Variants in ARID1B observed in about 807,000 individuals in gnomAD.
The protein encoded by ARID1B is AT-rich interaction domain 1B, also known as AT-rich interactive domain-containing protein 1B.
A neutral mutation model predicts 212.3 loss-of-function variants in ARID1B; 30 were observed. The ratio of observed to expected loss-of-function variants is 0.14; its 90% CI spans 0.11 to 0.19. ARID1B has a LOEUF of 0.19. ARID1B is among the 10% of genes least tolerant of loss of function. The probability of loss-of-function intolerance (pLI) is 1.00; values close to 1 mark genes in which losing one functional copy is unlikely to be tolerated. For missense variants in ARID1B, 2,891 were observed against 3,204.0 expected (o/e 0.90, Z 2.36); for synonymous variants, 1,402 against 1,301.7 (o/e 1.08, Z -1.66).
intron 1 of ARID1B, among the ~76,000 whole-genome samples, chr6:156,800,340 A>G (rs1338403122): frequency 6.6e-6 from 1 of 152,180 alleles, no homozygotes; most frequent in African/African-American, 2.4e-5. Context: ...CTGTAATCCA[A>G]CACTTTGGGA....
intron 3 of ARID1B, among the ~76,000 whole-genome samples, chr6:156,926,986 T>C (rs1403820881): frequency 1.3e-5 from 2 of 152,300 alleles, no homozygotes; most frequent in Non-Finnish European, 2.9e-5. Flanking sequence ...GGCCCAGATG[T>C]TGTATCATTT....
At chr6:156,943,005 T>C (rs1792791733) in intron 4 of ARID1B, 1 of 152,220 alleles carries the variant, frequency 6.6e-6, no homozygotes, top group Non-Finnish European at 1.5e-5. Flanking sequence ...TCTTTGGGAC[T>C]GGAAGTAACA....
chr6:157,098,637 G>A (rs1227223412), intron 5 of ARID1B, among the ~76,000 whole-genome samples: 1 of 152,200 alleles, frequency 6.6e-6, no homozygotes, highest in South Asian at 2.1e-4. Flanking sequence ...TGGTCATACT[G>A]CCTATTTACT....
At chr6:156,971,525 A>G (rs1034835787) in intron 4 of ARID1B, among the ~76,000 whole-genome samples, 1 of 152,072 alleles carries the variant, frequency 6.6e-6, no homozygotes, top group South Asian at 2.1e-4. Flanking sequence ...CTATTGCTAT[A>G]CTCATTTGGA....
At chr6:156,845,424 T>A (rs1377948609) in intron 2 of ARID1B, among the ~76,000 whole-genome samples, 1 of 152,190 alleles carries the variant, frequency 6.6e-6, no homozygotes, top group African/African-American at 2.4e-5. Context: ...GGGTTCATCC[T>A]GTAGTAGCTT....
chr6:157,158,517 G>T (rs2128272057), intron 8 of ARID1B, among the ~76,000 whole-genome samples: 1 of 152,346 alleles, frequency 6.6e-6, no homozygotes, highest in African/African-American at 2.4e-5. Context: ...ATGTAAGATA[G>T]ATGTGTGCTT....
chr6:157,026,819 A>G (rs1308175668), intron 4 of ARID1B, among the ~76,000 whole-genome samples: 1 of 152,168 alleles, frequency 6.6e-6, no homozygotes, highest in Non-Finnish European at 1.5e-5. Flanking sequence ...CCTGGCTATT[A>G]GAAGATGCAC....
intron 2 of ARID1B, among the ~76,000 whole-genome samples, chr6:156,830,330 G>A (rs760488059): frequency 2.8e-4 from 43 of 152,146 alleles, no homozygotes; most frequent in Non-Finnish European, 1.5e-4. Context: ...CCCATGGTGC[G>A]GCCGTCGGTA....
intron 4 of ARID1B, among the ~76,000 whole-genome samples, chr6:157,014,374 C>T (rs1457208350): frequency 6.6e-6 from 1 of 152,180 alleles, no homozygotes; most frequent in African/African-American, 2.4e-5. Flanking sequence ...TTAATGAAAT[C>T]CGCTTCCTTA....
At position 156,924,104 on chromosome 6, in the gene ARID1B, A is replaced by G. The variant is rs550701716; in HGVS notation, c.2137-11362A>G. On this transcript the variant is annotated intron_variant, in intron 3 of 19. Transcript: ENST00000636930. ...TGCTTGAAGGCAGTGTGTCATGATC[A>G]TGAATACAACCTTAGAAGGTAGGTT... Among the ~76,000 whole-genome samples, 5 of 152,346 alleles carry G rather than the reference A, an allele frequency of 3.3e-5. No individual in the cohort carries two copies. In the South Asian group the frequency reaches 1.0e-3, roughly 32 times the overall value.
chr6:156,779,230 G>A lies in ARID1B; in HGVS notation c.1550G>A (p.Gly517Asp). The change falls in exon 1 of 20, where the codon GGC (glycine) becomes GAC (aspartate). Residue 517 changes from glycine to aspartate, a missense_variant. By Grantham distance (94) the Gly-to-Asp change is moderately conservative. This residue lies in a region of ARID1B where 1,643 missense variants were observed against 1,544.0 expected (regional missense o/e 1.06). Coordinates refer to ENST00000636930, the MANE Select transcript of ARID1B (RefSeq NM_001374828.1). ...TSPSPMMRSY[G>D]GSYPEYSSPS... ...CCCAGCCCCATGATGCGGAGCTACG[G>A]CGGCAGCTACCCCGAGTACAGCAGC... 8.0e-7 allele frequency: 1 copy of A among 1,256,300 alleles called. No individual in the cohort carries two copies. Among genetic ancestry groups the A allele is most frequent in the Non-Finnish European group, 1.0e-6 (1 of 992,222 alleles). 77.8% of individuals were successfully genotyped at this position (1,256,300 alleles called of 1,614,324 possible).
At chr6:156,805,679 A>G (rs899878357) in intron 1 of ARID1B, among the ~76,000 whole-genome samples, 5 of 152,098 alleles carry the variant, frequency 3.3e-5, no homozygotes, top group African/African-American at 1.2e-4. Context: ...TATACTTTGC[A>G]ACTTTTTAAT....
intron 4 of ARID1B, among the ~76,000 whole-genome samples, chr6:156,948,606 A>T (rs1053242752): frequency 6.6e-6 from 1 of 152,358 alleles, no homozygotes; most frequent in Middle Eastern, 3.4e-3. Flanking sequence ...TCCTCAATTA[A>T]GACACAGTAT....
At chr6:157,136,518 A>G (rs1366742010) in intron 7 of ARID1B, among the ~76,000 whole-genome samples, 1 of 152,202 alleles carries the variant, frequency 6.6e-6, no homozygotes, top group African/African-American at 2.4e-5. Context: ...AACCAAAATG[A>G]CAAATAACTT....
chr6:157,097,623 G>A (rs1357095591), intron 5 of ARID1B, among the ~76,000 whole-genome samples: 1 of 152,194 alleles, frequency 6.6e-6, no homozygotes, highest in Non-Finnish European at 1.5e-5. Context: ...AGAAATTTGT[G>A]ACAAGAGAGG....
At chr6:157,188,941 A>G (rs934331204) in intron 13 of ARID1B, among the ~76,000 whole-genome samples, 6 of 152,198 alleles carry the variant, frequency 3.9e-5, no homozygotes, top group African/African-American at 1.4e-4. Context: ...TTATAATGTA[A>G]TTATACTTAA....
chr6:156,805,008 AAG>A (rs1306296270), intron 1 of ARID1B, among the ~76,000 whole-genome samples: 2 of 152,060 alleles, frequency 1.3e-5, no homozygotes, highest in South Asian at 2.1e-4. Context: ...TAAATAGGAC[AAG>A]AGTTTAACAA....
chr6:157,077,607 C>T (rs1562598521), intron 4 of ARID1B, among the ~76,000 whole-genome samples: 1 of 152,200 alleles, frequency 6.6e-6, no homozygotes, highest in Non-Finnish European at 1.5e-5. Context: ...CTAGAGTATC[C>T]TTTACTCCTG....
At chr6:157,004,151 C>T (rs1328366046) in intron 4 of ARID1B, among the ~76,000 whole-genome samples, 1 of 152,086 alleles carries the variant, frequency 6.6e-6, no homozygotes, top group Non-Finnish European at 1.5e-5. Flanking sequence ...GCAATCCTCT[C>T]GTTCTCCCGA....
Sources: allele counts gnomAD v4.1 joint callset (sites outside exome capture counted in the v4.1 genomes callset), GRCh38; gene constraint gnomAD v4.1.1; regional missense constraint gnomAD v4.1.1; transcripts MANE v1.5; gene names NCBI Gene and HGNC (gene_info 2026-07-23, HGNC 2026-07-21).